The following DUSP10 variants were observed in gnomAD, a reference collection of about 807,000 sequenced individuals.
The protein encoded by DUSP10 is dual specificity phosphatase 10.
DUSP10 carries 14 observed loss-of-function variants against 30.8 expected under a neutral mutation model. That is an observed-to-expected ratio of 0.46 (90% CI 0.30 to 0.71). The LOEUF (loss-of-function observed/expected upper bound fraction) is 0.71, where lower values mean the gene tolerates loss of function less well. Among genes scored for constraint, DUSP10 ranks in the 30% least tolerant of loss-of-function variants. The pLI is 0.08. For synonymous variants in DUSP10, 254 were observed against 250.4 expected (o/e 1.01, Z -0.14); for missense variants, 550 against 619.4 (o/e 0.89, Z 1.19).
In DUSP10 at chr1:221,739,117, T is replaced by A; in HGVS notation, c.628A>T (p.Ile210Phe). 6.2e-7 allele frequency: 1 copy of A among 1,614,210 alleles called. No homozygotes were observed. The highest frequency in any genetic ancestry group is 8.5e-7 in the Non-Finnish European group (1 of 1,180,040). ...ISRRRLQQGK[I>F]TVLDLISCRE... The stretch of plus-strand genomic sequence containing the variant: ...CAGGAAATCAAGTCTAGGACAGTGA[T>A]CTTGCCCTGCTGCAGTCTCCGCCGG... The change falls in exon 2 of 4, where the codon ATC (isoleucine) becomes TTC (phenylalanine). Residue 210 changes from isoleucine to phenylalanine, a missense_variant. Ile to Phe is a conservative substitution (Grantham distance 21, BLOSUM62 0). Transcript: ENST00000366899.
At chr1:221,734,971 G>T (rs972484340) in intron 2 of DUSP10, among the ~76,000 whole-genome samples, 1 of 150,000 alleles carries the variant, frequency 6.7e-6, no homozygotes, top group Non-Finnish European at 1.5e-5. Flanking sequence ...TGATTTCTGA[G>T]CCTAGCCATC....
chr1:221,734,088 C>T (rs567470122), intron 2 of DUSP10, among the ~76,000 whole-genome samples: 8 of 152,250 alleles, frequency 5.3e-5, no homozygotes, highest in South Asian at 4.2e-4. Context: ...CAGGAACCAG[C>T]GCACCCCTCC....
intron 2 of DUSP10, among the ~76,000 whole-genome samples, chr1:221,713,223 G>A (rs1660994441): frequency 6.6e-6 from 1 of 152,168 alleles, no homozygotes; most frequent in Admixed American, 6.5e-5. Context: ...GGAGCCATGA[G>A]GACAGCCCAC....
intron 2 of DUSP10, among the ~76,000 whole-genome samples, chr1:221,714,877 G>A (rs904751076): frequency 1.3e-5 from 2 of 152,026 alleles, no homozygotes; most frequent in African/African-American, 4.8e-5. Context: ...CTCAGATGAT[G>A]TGCCATTCCC....
intron 2 of DUSP10, among the ~76,000 whole-genome samples, chr1:221,716,670 G>A (rs1209010076): frequency 6.6e-6 from 1 of 152,216 alleles, no homozygotes; most frequent in African/African-American, 2.4e-5. Flanking sequence ...TAAGAAGGGT[G>A]CCTACCAAGA....
chr1:221,736,038 T>C (rs1661757538), intron 2 of DUSP10, among the ~76,000 whole-genome samples: 2 of 152,202 alleles, frequency 1.3e-5, no homozygotes, highest in Non-Finnish European at 1.5e-5. Context: ...GACTAAAACA[T>C]AGATTCTAGC....
Position 221,702,133 on chromosome 1 carries a change from A to T in DUSP10, c.*279T>A. 1 of 382,488 alleles carries T rather than the reference A, an allele frequency of 2.6e-6. No homozygotes were observed. The highest frequency in any genetic ancestry group is 5.3e-5 in the East Asian group (1 of 18,778). 23.7% of individuals were successfully genotyped at this position (382,488 alleles called of 1,614,324 possible). On this transcript the variant is annotated 3_prime_UTR_variant, in exon 4 of 4. Transcript: ENST00000366899. The surrounding 1 kb of genome is among the most constrained non-coding windows in gnomAD (Gnocchi z 4.5). ...ACTCTACAAATAGCTTAAAAGGAAAAGGGGGAGAAACAAGTTGTATTATAT... is the reference window on the plus strand; with the variant it reads ...ACTCTACAAATAGCTTAAAAGGAAATGGGGGAGAAACAAGTTGTATTATAT...
chr1:221,738,765 G>T (rs1439267102), intron 2 of DUSP10, among the ~76,000 whole-genome samples, 169 bp downstream of exon 2: 2 of 152,166 alleles, frequency 1.3e-5, no homozygotes, highest in African/African-American at 4.8e-5. Flanking sequence ...AGTGCTGCTG[G>T]GTTTTTCTTA....
In DUSP10 at chr1:221,701,720, C is replaced by G. The variant is rs1660612136; in HGVS notation, c.*692G>C. Reference sequence around the variant, plus strand: ...CTGCCAGCTCTAACTTGTTTGCACACTTAAAACATCATATTATTGCACAAG... The same window carrying G: ...CTGCCAGCTCTAACTTGTTTGCACAGTTAAAACATCATATTATTGCACAAG... On this transcript the variant is annotated 3_prime_UTR_variant, in exon 4 of 4. Transcript: ENST00000366899. The G allele has an allele frequency of 6.6e-6, 1 of 151,628 alleles. No homozygotes were observed. Among genetic ancestry groups the G allele is most frequent in the African/African-American group, 2.4e-5 (1 of 41,104 alleles). 9.4% of individuals were successfully genotyped at this position (151,628 alleles called of 1,614,324 possible).
At chr1:221,717,914 G>T (rs1661156906) in intron 2 of DUSP10, among the ~76,000 whole-genome samples, 1 of 152,054 alleles carries the variant, frequency 6.6e-6, no homozygotes, top group Admixed American at 6.5e-5. Context: ...CAGCCCAAAT[G>T]AATATAGTGC....
chr1:221,705,111 GTT>G (rs34627895), intron 3 of DUSP10, among the ~76,000 whole-genome samples: 3 of 141,962 alleles, frequency 2.1e-5, no homozygotes, highest in African/African-American at 2.6e-5. Flanking sequence ...TATTTTGAGT[GTT>G]TTTTTTTTTT....
intron 2 of DUSP10, chr1:221,711,874 A>G (rs1263818139): frequency 1.3e-5 from 2 of 152,268 alleles, no homozygotes; most frequent in Admixed American, 6.5e-5. Context: ...GAGCCACTCA[A>G]GATTCTATAA....
intron 3 of DUSP10, among the ~76,000 whole-genome samples, chr1:221,704,380 A>C (rs1660695509): frequency 6.6e-6 from 1 of 151,728 alleles, no homozygotes; most frequent in Non-Finnish European, 1.5e-5. Flanking sequence ...AAGGAGCTTT[A>C]GTTGAAATCC....
In DUSP10 at chr1:221,702,793, AAC is replaced by A; in HGVS notation, c.1184-118_1184-117del. On this transcript the variant is annotated intron_variant, in intron 3 of 3. Transcript: ENST00000366899. This position sits in a 1 kb window ranked among gnomAD's most constrained non-coding sequence, Gnocchi z 4.5. ...ATTTTGTATAGAAATAATGAATTAA[AAC>A]AGTTTTAAAGCCAAGTATAATCCAC... The A allele has an allele frequency of 1.8e-6, 2 of 1,117,280 alleles. No individual in the cohort carries two copies. The highest frequency in any genetic ancestry group is 2.5e-6 in the Non-Finnish European group (2 of 799,144). 69.2% of individuals were successfully genotyped at this position (1,117,280 alleles called of 1,614,324 possible). A position where few individuals can be genotyped will look rare whatever the true frequency, so the allele number is the denominator to read the frequency against.
chr1:221,702,255 T>C lies in DUSP10; in HGVS notation c.*157A>G. 1.2e-6 allele frequency: 1 copy of C among 825,972 alleles called. No homozygotes were observed. Among genetic ancestry groups the C allele is most frequent in the South Asian group, 1.8e-5 (1 of 54,718 alleles). The allele number at this position is 825,972 out of a possible 1,614,324, so 51.2% of individuals were successfully genotyped here. A position where few individuals can be genotyped will look rare whatever the true frequency, so the allele number is the denominator to read the frequency against. On this transcript the variant is annotated 3_prime_UTR_variant, in exon 4 of 4. Transcript: ENST00000366899. This position sits in a 1 kb window ranked among gnomAD's most constrained non-coding sequence, Gnocchi z 4.5. ...ATGGCATCAAAAGTTATAGTCTTCT[T>C]ACACTTGTTAAAAATAAAGTGTTTA...
chr1:221,734,921 C>T (rs1661718100), intron 2 of DUSP10, among the ~76,000 whole-genome samples: 1 of 152,046 alleles, frequency 6.6e-6, no homozygotes, highest in Non-Finnish European at 1.5e-5. Flanking sequence ...CACCCCACCC[C>T]CGAAAAAAGG....
At chr1:221,737,285 G>A (rs1267138731) in intron 2 of DUSP10, 1 of 985,260 alleles carries the variant, frequency 1.0e-6, no homozygotes, top group Non-Finnish European at 1.2e-6. Flanking sequence ...CGTGAGAAAA[G>A]AGGAGATCAT....
chr1:221,710,443 G>A (rs1660901304), intron 2 of DUSP10, among the ~76,000 whole-genome samples: 1 of 151,754 alleles, frequency 6.6e-6, no homozygotes, highest in Non-Finnish European at 1.5e-5. Flanking sequence ...TGATTAAAGT[G>A]GTTAATAAAG....
chr1:221,716,446 G>C (rs1246579196), intron 2 of DUSP10, among the ~76,000 whole-genome samples: 1 of 152,210 alleles, frequency 6.6e-6, no homozygotes, highest in Non-Finnish European at 1.5e-5. Flanking sequence ...GTCTGGAATA[G>C]AAGGGTCAGA....
Sources: allele counts gnomAD v4.1 joint callset (sites outside exome capture counted in the v4.1 genomes callset), GRCh38; gene constraint gnomAD v4.1.1; non-coding constraint Gnocchi (gnomAD v3.1); transcripts MANE v1.5; gene names NCBI Gene and HGNC (gene_info 2026-07-23, HGNC 2026-07-21).